The following LUZP2 variants were observed in gnomAD, a reference collection of about 807,000 sequenced individuals.
The protein encoded by LUZP2 is leucine zipper protein 2.
LUZP2 carries 52 observed loss-of-function variants against 51.6 expected under a neutral mutation model. That is an observed-to-expected ratio of 1.01 (90% confidence interval 0.81 to 1.27). The LOEUF is 1.27. LUZP2 is among the 50% of genes most tolerant of loss of function. The pLI, the probability that LUZP2 is intolerant of heterozygous loss-of-function variation, is 0.00. For missense variants in LUZP2, 436 were observed against 395.4 expected, an observed-to-expected ratio of 1.10 and a Z score of -0.87; for synonymous variants, 154 against 137.3, an observed-to-expected ratio of 1.12 and a Z score of -0.85.
chr11:24,606,101 C>T (rs149971848), intron 1 of LUZP2, among the ~76,000 whole-genome samples: 30 of 151,484 alleles, frequency 2.0e-4, no homozygotes, highest in African/African-American at 6.5e-4. Context: ...TATATTTATA[C>T]GTATATATGC....
intron 1 of LUZP2, among the ~76,000 whole-genome samples, chr11:24,685,924 T>C (rs1856884420): frequency 1.3e-5 from 2 of 152,304 alleles, no homozygotes; most frequent in East Asian, 3.9e-4. Flanking sequence ...CCAGATATTT[T>C]TGAAGAAGCA....
At chr11:24,515,359 A>G (rs892191612) in intron 1 of LUZP2, among the ~76,000 whole-genome samples, 1 of 152,058 alleles carries the variant, frequency 6.6e-6, no homozygotes, top group Non-Finnish European at 1.5e-5. Flanking sequence ...ACTTTTTACA[A>G]CCAGCAAGAG....
intron 5 of LUZP2, among the ~76,000 whole-genome samples, chr11:24,777,015 A>G (rs1226186002): frequency 2.2e-5 from 3 of 134,472 alleles, no homozygotes; most frequent in Admixed American, 7.6e-5. Flanking sequence ...TTTTTTTTAG[A>G]CAAGAGTTTT....
chr11:25,017,406 G>T (rs1857191299), intron 9 of LUZP2, among the ~76,000 whole-genome samples: 1 of 152,070 alleles, frequency 6.6e-6, no homozygotes, highest in Admixed American at 6.6e-5. Context: ...TTAAGTTTAA[G>T]TCTTTAATTT....
intron 5 of LUZP2, among the ~76,000 whole-genome samples, chr11:24,858,823 G>A (rs1851645654): frequency 6.6e-6 from 1 of 152,118 alleles, no homozygotes. Flanking sequence ...ACAAAATCTT[G>A]CAATATAGGC....
chr11:24,633,556 C>G (rs1854963618), intron 1 of LUZP2, among the ~76,000 whole-genome samples: 1 of 151,896 alleles, frequency 6.6e-6, no homozygotes, highest in African/African-American at 2.4e-5. Context: ...TATATTTTAT[C>G]ATTGCAAAGA....
At chr11:24,602,352 ATC>A (rs1328684556) in intron 1 of LUZP2, among the ~76,000 whole-genome samples, 3 of 135,216 alleles carry the variant, frequency 2.2e-5, no homozygotes, top group Non-Finnish European at 4.7e-5. Flanking sequence ...ATATGTATAA[ATC>A]TCTTTTAAAG....
intron 4 of LUZP2, among the ~76,000 whole-genome samples, chr11:24,754,358 G>A (rs1859697830): frequency 6.6e-6 from 1 of 152,024 alleles, no homozygotes; most frequent in African/African-American, 2.4e-5. Flanking sequence ...TCTGGGATGA[G>A]TTCTTTCACT....
intron 5 of LUZP2, among the ~76,000 whole-genome samples, chr11:24,805,101 G>A (rs1026812567): frequency 8.6e-5 from 13 of 151,628 alleles, no homozygotes; most frequent in African/African-American, 2.9e-4. Flanking sequence ...AAGAAAAAGT[G>A]GTTTAATCAA....
intron 6 of LUZP2, among the ~76,000 whole-genome samples, chr11:24,906,295 T>G (rs1853450269): frequency 6.6e-6 from 1 of 152,080 alleles, no homozygotes; most frequent in South Asian, 2.1e-4. Context: ...ATTTTTTTTT[T>G]TCTGGATTTC....
At chr11:24,863,026 G>A (rs190849034) in intron 5 of LUZP2, among the ~76,000 whole-genome samples, 2 of 152,154 alleles carry the variant, frequency 1.3e-5, no homozygotes, top group Admixed American at 1.3e-4. Flanking sequence ...CACAGGGAGA[G>A]CTGAGATTAG....
At chr11:25,067,347 A>T (rs921739791) in intron 10 of LUZP2, among the ~76,000 whole-genome samples, 3 of 151,968 alleles carry the variant, frequency 2.0e-5, no homozygotes, top group Admixed American at 2.0e-4. Flanking sequence ...CACTCTAATA[A>T]TAGTTTATTT....
In LUZP2 at chr11:24,976,797, G is replaced by A. The variant is rs867026223; in HGVS notation, c.597+132G>A. 57 of 510,678 alleles carry A rather than the reference G, an allele frequency of 1.1e-4. No individual in the cohort carries two copies. In the Middle Eastern group the frequency reaches 2.8e-3, roughly 25 times the overall value. The allele number at this position is 510,678 out of a possible 1,614,324, so 31.6% of individuals were successfully genotyped here. On this transcript the variant is annotated intron_variant, in intron 8 of 11. Transcript: ENST00000336930. ...TTCTAGATGCTGTGTATATAAGATA[G>A]TTACAGAATTCAGGAAGGTTTGATA...
intron 7 of LUZP2, among the ~76,000 whole-genome samples, chr11:24,927,547 G>A (rs1265693732): frequency 6.6e-6 from 1 of 152,010 alleles, no homozygotes; most frequent in African/African-American, 2.4e-5. Context: ...TCAGTTGACT[G>A]TAAGTATTTG....
intron 5 of LUZP2, among the ~76,000 whole-genome samples, chr11:24,847,197 T>C (rs1007294648): frequency 4.6e-5 from 7 of 152,034 alleles, no homozygotes; most frequent in African/African-American, 1.4e-4. Flanking sequence ...AAATCAGCAT[T>C]GTATATATTC....
intron 5 of LUZP2, among the ~76,000 whole-genome samples, chr11:24,860,229 TG>T: frequency 6.6e-6 from 1 of 152,144 alleles, no homozygotes; most frequent in African/African-American, 2.4e-5. Flanking sequence ...CCTTCCTCAC[TG>T]GGTGGGGCTT....
At position 24,927,855 on chromosome 11, in the gene LUZP2, C is replaced by G. The variant is rs192339738; in HGVS notation, c.522+13317C>G. ...TATGGTCATTATCACGATATTGATT[C>G]TACCCATCCATGAGCATGGGATGTC... is the stretch of plus-strand genomic sequence containing the variant. On this transcript the variant is annotated intron_variant, in intron 7 of 11. Coordinates refer to ENST00000336930, the MANE Select transcript of LUZP2 (RefSeq NM_001009909.4). Among the ~76,000 whole-genome samples, 80 of 152,102 alleles carry G rather than the reference C, an allele frequency of 5.3e-4. 1 individual carries two copies. Among genetic ancestry groups the G allele is most frequent in the Admixed American group, 4.6e-3 (70 of 15,268 alleles).
chr11:24,635,758 T>C (rs1467289762), intron 1 of LUZP2, among the ~76,000 whole-genome samples: 1 of 151,924 alleles, frequency 6.6e-6, no homozygotes, highest in East Asian at 1.9e-4. Flanking sequence ...CAACGCAGAG[T>C]GCTGGGGAGA....
intron 1 of LUZP2, among the ~76,000 whole-genome samples, chr11:24,515,425 A>T (rs1355407695): frequency 2.0e-5 from 3 of 152,210 alleles, no homozygotes. Context: ...AATTAATTCA[A>T]TTAATATTCA....
Sources: allele counts gnomAD v4.1 joint callset (sites outside exome capture counted in the v4.1 genomes callset), GRCh38; gene constraint gnomAD v4.1.1; transcripts MANE v1.5; gene names NCBI Gene and HGNC (gene_info 2026-07-23, HGNC 2026-07-21).